SNTG2: variants seen among roughly 807,000 people sequenced by gnomAD.
SNTG2 encodes the protein syntrophin gamma 2.
A neutral mutation model predicts 70.9 loss-of-function variants in SNTG2; 74 were observed. That is an observed-to-expected ratio of 1.04 (90% CI 0.86 to 1.27). The LOEUF (loss-of-function observed/expected upper bound fraction) is 1.27. Among genes scored for constraint, SNTG2 ranks in the 50% most tolerant of loss-of-function variants. The pLI, the probability that SNTG2 is intolerant of heterozygous loss-of-function variation, is 0.00. For synonymous variants in SNTG2, 278 were observed against 273.8 expected (o/e 1.02, Z -0.15); for missense variants, 717 against 690.7 (o/e 1.04, Z -0.43).
At chr2:1,061,306 A>T (rs1192609453) in intron 1 of SNTG2, among the ~76,000 whole-genome samples, 1 of 152,232 alleles carries the variant, frequency 6.6e-6, no homozygotes, top group East Asian at 1.9e-4. Context: ...GCAATTAACA[A>T]AAATGGAATA....
At position 1,097,184 on chromosome 2, in the gene SNTG2, A is replaced by G. The variant is rs74953226; in HGVS notation, c.211-1012A>G. ...GTTTATGAAGTATTTCCCCCTAAGA[A>G]GGACATTCCTGGGGTATCTCAGGCT... is the stretch of plus-strand genomic sequence containing the variant. On this transcript the variant is annotated intron_variant, in intron 2 of 16. Coordinates refer to ENST00000308624, the MANE Select transcript of SNTG2 (RefSeq NM_018968.4). The surrounding 1 kb of genome is among the most constrained non-coding windows in gnomAD (Gnocchi z 4.1). Among the ~76,000 whole-genome samples the G allele has an allele frequency of 0.014, 2,160 of 152,316 alleles. 12 individuals carry two copies. Among genetic ancestry groups the G allele is most frequent in the Non-Finnish European group, 0.024 (1,648 of 68,034 alleles).
intron 4 of SNTG2, among the ~76,000 whole-genome samples, chr2:1,125,727 A>G (rs529581096): frequency 4.6e-4 from 61 of 133,010 alleles, no homozygotes; most frequent in African/African-American, 1.5e-3. Flanking sequence ...TTCTCAATTG[A>G]GAAACTTTTT....
At chr2:1,252,805 G>T (rs1172168235) in intron 12 of SNTG2, among the ~76,000 whole-genome samples, 1 of 152,124 alleles carries the variant, frequency 6.6e-6, no homozygotes, top group Non-Finnish European at 1.5e-5. Context: ...AGCTGTAAAA[G>T]CATTTGAATC....
At chr2:1,120,074 T>G (rs907921101) in intron 4 of SNTG2, among the ~76,000 whole-genome samples, 1 of 152,168 alleles carries the variant, frequency 6.6e-6, no homozygotes, top group African/African-American at 2.4e-5. Flanking sequence ...TGATCGTTCC[T>G]TATCTACCAA....
intron 7 of SNTG2, 63 bp downstream of exon 7, chr2:1,165,698 T>C: frequency 1.5e-6 from 2 of 1,359,248 alleles, no homozygotes; most frequent in Non-Finnish European, 2.1e-6. Context: ...ACATTATTTA[T>C]CCAAATGCTA....
At position 986,109 on chromosome 2, in the gene SNTG2, G is replaced by GAGAGAGAGAGAT. The variant is rs1487484572; in HGVS notation, c.72+35042_72+35043insGAGAGAGAGATA. Among the ~76,000 whole-genome samples, 3 of 143,750 alleles carry GAGAGAGAGAGAT rather than the reference G, an allele frequency of 2.1e-5. No individual in the cohort carries two copies. In the South Asian group the frequency reaches 6.4e-4, roughly 31 times the overall value. The allele number at this position is 143,750 out of a possible 152,430, so 94.3% of individuals were successfully genotyped here. On this transcript the variant is annotated intron_variant, in intron 1 of 16. Transcript: ENST00000308624. Reference sequence around the variant, plus strand: ...AGAGAGAGAGAGAGAGAGAGAGAGAGATCAGAGGATTTCCCATGTGCTGAG... The same window carrying GAGAGAGAGAGAT: ...AGAGAGAGAGAGAGAGAGAGAGAGAGAGAGAGAGAGATATCAGAGGATTTCCCATGTGCTGAG...
At chr2:968,781 T>C (rs1416371569) in intron 1 of SNTG2, among the ~76,000 whole-genome samples, 1 of 152,224 alleles carries the variant, frequency 6.6e-6, no homozygotes, top group Non-Finnish European at 1.5e-5. Context: ...CTTTGCTAGA[T>C]ACATAGTTTT....
rs1306532116 is a variant in SNTG2, at chr2:1,316,299, A to G, written c.1412A>G (p.Lys471Arg). 3.9e-6 allele frequency: 6 copies of G among 1,549,608 alleles called. No individual in the cohort carries two copies. The highest frequency in any genetic ancestry group is 4.4e-6 in the Non-Finnish European group (5 of 1,145,282). The part of the protein sequence containing the change: ...VLWRFKFSQL[K>R]GSSDDGKTRV... The stretch of plus-strand genomic sequence containing the variant: ...TGGAGATTTAAATTTTCCCAGCTTA[A>G]GGGATCTTCAGATGATGGGAAAACT... Residue 471 changes from lysine (K) to arginine (R), a missense_variant, in exon 16 of 17, where the codon AAG (lysine) becomes AGG (arginine). By Grantham distance (26) the Lys-to-Arg change is conservative (BLOSUM62 2). Coordinates refer to ENST00000308624, the MANE Select transcript of SNTG2 (RefSeq NM_018968.4).
chr2:1,223,756 A>G (rs1037825502), intron 9 of SNTG2, among the ~76,000 whole-genome samples: 11 of 152,180 alleles, frequency 7.2e-5, no homozygotes, highest in Non-Finnish European at 1.3e-4. Flanking sequence ...CAGGGTGTAC[A>G]TGACCTCAGC....
chr2:1,197,549 G>GTATA (rs149042012), intron 8 of SNTG2, among the ~76,000 whole-genome samples: 1,560 of 138,684 alleles, frequency 0.011, 36 homozygotes, highest in African/African-American at 0.041. Context: ...GTGTGTGTGT[G>GTATA]TATATTTGAT....
At chr2:1,062,146 G>A (rs1219124392) in intron 1 of SNTG2, among the ~76,000 whole-genome samples, 2 of 151,918 alleles carry the variant, frequency 1.3e-5, no homozygotes, top group Non-Finnish European at 1.5e-5. Flanking sequence ...TAGAGGGAGT[G>A]TGCACTCACT....
chr2:1,028,422 G>A (rs1367846917), intron 1 of SNTG2, among the ~76,000 whole-genome samples: 1 of 152,194 alleles, frequency 6.6e-6, no homozygotes, highest in Non-Finnish European at 1.5e-5. Context: ...ATCCTGATAG[G>A]GTAGCACCTG....
chr2:1,126,409 C>T (rs1667702039), intron 4 of SNTG2, among the ~76,000 whole-genome samples: 3 of 152,156 alleles, frequency 2.0e-5, no homozygotes, highest in Admixed American at 6.5e-5. Flanking sequence ...AGCTTTGTTC[C>T]GTATCTTGGC....
chr2:1,074,962 C>T (rs139316732), intron 1 of SNTG2, among the ~76,000 whole-genome samples: 163 of 152,120 alleles, frequency 1.1e-3, no homozygotes, highest in South Asian at 2.7e-3. Flanking sequence ...TATTTCACTG[C>T]GATGTTGGTC....
At chr2:1,117,383 A>G (rs1667083350) in intron 4 of SNTG2, among the ~76,000 whole-genome samples, 1 of 152,186 alleles carries the variant, frequency 6.6e-6, no homozygotes, top group Admixed American at 6.5e-5. Context: ...TTTAATTTTA[A>G]TAGAAACAAC....
intron 15 of SNTG2, among the ~76,000 whole-genome samples, chr2:1,310,149 C>G (rs1680908325): frequency 6.6e-6 from 1 of 152,216 alleles, no homozygotes; most frequent in Non-Finnish European, 1.5e-5. Context: ...CCAAATTCTG[C>G]TTTAGAGCAG....
chr2:1,320,540 A>G (rs1681473921), intron 16 of SNTG2, among the ~76,000 whole-genome samples: 1 of 150,482 alleles, frequency 6.6e-6, no homozygotes, highest in Non-Finnish European at 1.5e-5. Context: ...TTCTCAAAAA[A>G]AAAAAAAAAA....
At chr2:1,254,361 G>T (rs1388661461) in intron 12 of SNTG2, among the ~76,000 whole-genome samples, 4 of 152,106 alleles carry the variant, frequency 2.6e-5, no homozygotes, top group African/African-American at 9.7e-5. Flanking sequence ...ATTTATTTCT[G>T]ATTTGTACAT....
chr2:1,134,805 A>G (rs768776005), intron 4 of SNTG2, among the ~76,000 whole-genome samples: 2 of 152,130 alleles, frequency 1.3e-5, no homozygotes, highest in South Asian at 2.1e-4. Flanking sequence ...CTCCAGCCGC[A>G]CAGGAGCCCA....
Sources: gnomAD v4.1 joint callset for allele counts (sites outside exome capture counted in the v4.1 genomes callset) on GRCh38, gnomAD v4.1.1 for gene constraint, Gnocchi (gnomAD v3.1) non-coding constraint, MANE v1.5 for transcripts, NCBI Gene and HGNC (gene_info 2026-07-23, HGNC 2026-07-21) for gene names.